The following USP49 variants were observed in gnomAD, a reference collection of about 807,000 sequenced individuals.
USP49 encodes the protein ubiquitin carboxyl-terminal hydrolase 49.
USP49 carries 24 observed loss-of-function variants against 58.6 expected under a neutral mutation model. The observed-to-expected ratio is 0.41, with a 90% CI of 0.30 to 0.58. The LOEUF is 0.58. USP49 is among the 20% of genes least tolerant of loss of function. The pLI is 0.30. For synonymous variants in USP49, 408 were observed against 365.1 expected, an observed-to-expected ratio of 1.12 and a Z score of -1.34; for missense variants, 703 against 866.1, an observed-to-expected ratio of 0.81 and a Z score of 2.36.
intron 2 of USP49, among the ~76,000 whole-genome samples, chr6:41,878,628 T>A (rs1013979757): frequency 3.9e-5 from 6 of 152,218 alleles, no homozygotes; most frequent in African/African-American, 1.4e-4. Context: ...TTGGTAAAGT[T>A]CAGTCTGCCA....
chr6:41,885,394 T>C (rs1228883285), intron 2 of USP49, among the ~76,000 whole-genome samples: 2 of 152,174 alleles, frequency 1.3e-5, no homozygotes, highest in African/African-American at 2.4e-5. Context: ...TGTTAACTAG[T>C]ATACATGATA....
intron 3 of USP49, among the ~76,000 whole-genome samples, chr6:41,864,865 T>A (rs1774282892): frequency 6.6e-6 from 1 of 152,086 alleles, no homozygotes; most frequent in Non-Finnish European, 1.5e-5. Flanking sequence ...AGTGACTCAA[T>A]CTAATGAGCC....
At chr6:41,818,051 T>C (rs150987457) in intron 3 of USP49, among the ~76,000 whole-genome samples, 1,987 of 152,304 alleles carry the variant, frequency 0.013, 27 homozygotes, top group South Asian at 0.062. Flanking sequence ...GTAGCAGTGA[T>C]AATCCTATAC....
chr6:41,830,218 C>T (rs1773610782), intron 3 of USP49, among the ~76,000 whole-genome samples: 1 of 152,158 alleles, frequency 6.6e-6, no homozygotes, highest in Admixed American at 6.6e-5. Context: ...TTTATCTCTT[C>T]TCTAAAACAG....
Position 41,791,625 on chromosome 6 carries a change from A to G in USP49, c.*4908T>C, listed in dbSNP as rs1162365370. On this transcript the variant is annotated 3_prime_UTR_variant, in exon 8 of 8. Coordinates refer to ENST00000682992, the MANE Select transcript of USP49 (RefSeq NM_001286554.2). ...AGCCCTGGCTAGTTAACACAGTACT[A>G]TGAAAATCTTTAGCTAGATTTTAAA... The G allele has an allele frequency of 6.6e-6, 1 of 152,256 alleles. No individual in the cohort carries two copies. Among genetic ancestry groups the G allele is most frequent in the African/African-American group, 2.4e-5 (1 of 41,476 alleles). 9.4% of individuals were successfully genotyped at this position (152,256 alleles called of 1,614,324 possible).
intron 3 of USP49, among the ~76,000 whole-genome samples, chr6:41,843,926 C>A (rs1027094407): frequency 1.3e-5 from 2 of 152,144 alleles, no homozygotes; most frequent in Admixed American, 1.3e-4. Flanking sequence ...TGCGTGTAAT[C>A]CCAGTTACTC....
At position 41,871,624 on chromosome 6, in the gene USP49, C is replaced by A. The variant is rs1774413705; in HGVS notation, c.-89G>T. Reference sequence around the variant, plus strand: ...ATTCCACAGTCATTGGTTAGGTTTCCTCTTCTCTATTACCTACAAGTGGGA... The same window carrying A: ...ATTCCACAGTCATTGGTTAGGTTTCATCTTCTCTATTACCTACAAGTGGGA... On this transcript the variant is annotated 5_prime_UTR_variant, in exon 3 of 8. It adds an upstream start codon to the 5' untranslated region. Transcript: ENST00000682992. 6.6e-6 allele frequency: 1 copy of A among 152,010 alleles called. No individual in the cohort carries two copies. Among genetic ancestry groups the A allele is most frequent in the African/African-American group, 2.4e-5 (1 of 41,394 alleles). 9.4% of individuals were successfully genotyped at this position (152,010 alleles called of 1,614,324 possible).
chr6:41,864,913 T>C (rs1287143112), intron 3 of USP49, among the ~76,000 whole-genome samples: 2 of 152,084 alleles, frequency 1.3e-5, no homozygotes, highest in Admixed American at 6.5e-5. Context: ...ATTAAATAAA[T>C]TACAGGGTTT....
At chr6:41,870,836 G>C (rs1441684324) in intron 3 of USP49, among the ~76,000 whole-genome samples, 6 of 152,000 alleles carry the variant, frequency 3.9e-5, no homozygotes, top group African/African-American at 1.5e-4. Flanking sequence ...CAGATCACTT[G>C]AGGTCAGGAG....
intron 2 of USP49, among the ~76,000 whole-genome samples, chr6:41,890,311 G>A (rs925134951): frequency 4.0e-5 from 6 of 151,642 alleles, no homozygotes; most frequent in Admixed American, 2.6e-4. Flanking sequence ...CCTGGGAGGC[G>A]GAGGTTGTAG....
intron 3 of USP49, among the ~76,000 whole-genome samples, chr6:41,822,746 G>T (rs1773473511): frequency 1.3e-5 from 2 of 150,890 alleles, no homozygotes. Flanking sequence ...TCAGGAGGCT[G>T]AGGCAGAAGA....
At chr6:41,846,711 G>A (rs1487576594) in intron 3 of USP49, among the ~76,000 whole-genome samples, 1 of 152,214 alleles carries the variant, frequency 6.6e-6, no homozygotes, top group Non-Finnish European at 1.5e-5. Context: ...TTCAGTGTTT[G>A]GCATGTCCTT....
chr6:41,851,346 A>G (rs1435627746), intron 3 of USP49, among the ~76,000 whole-genome samples: 1 of 152,204 alleles, frequency 6.6e-6, no homozygotes, highest in Non-Finnish European at 1.5e-5. Flanking sequence ...ATATCAATCA[A>G]TGTAACACAT....
At chr6:41,831,234 A>G (rs6932075) in intron 3 of USP49, among the ~76,000 whole-genome samples, 58,268 of 151,822 alleles carry the variant, frequency 0.38, 12,112 homozygotes, top group South Asian at 0.48. Flanking sequence ...TACTAAAAAT[A>G]CAAAAATTAG....
Position 41,816,428 on chromosome 6 carries a change from C to G in USP49, c.-28-9417G>C, listed in dbSNP as rs555220777. ...AAACATTCTCTTGAATTTTAGACAA[C>G]TGTTCTTGTCTGGTTTGCTTCCTGT... On this transcript the variant is annotated intron_variant, in intron 3 of 7. Coordinates refer to ENST00000682992, the MANE Select transcript of USP49 (RefSeq NM_001286554.2). Among the ~76,000 whole-genome samples the G allele has an allele frequency of 2.6e-5, 4 of 152,252 alleles. No homozygotes were observed. The South Asian group carries it at 8.3e-4, about 32-fold the overall frequency.
intron 3 of USP49, among the ~76,000 whole-genome samples, chr6:41,848,837 A>G (rs1406095029): frequency 6.6e-6 from 1 of 150,800 alleles, no homozygotes; most frequent in African/African-American, 2.4e-5. Flanking sequence ...CCTGGACAAC[A>G]CCAGTGAGAC....
intron 2 of USP49, among the ~76,000 whole-genome samples, chr6:41,885,823 C>T (rs1774700986): frequency 6.6e-6 from 1 of 152,082 alleles, no homozygotes. Flanking sequence ...AGTCTCCCAC[C>T]TTGGCCTCCC....
chr6:41,827,890 A>G (rs1773569094), intron 3 of USP49, among the ~76,000 whole-genome samples: 1 of 152,296 alleles, frequency 6.6e-6, no homozygotes, highest in African/African-American at 2.4e-5. Context: ...AAACAGGCTC[A>G]GAGAAGTAAA....
At chr6:41,871,003 A>G (rs1010599122) in intron 3 of USP49, among the ~76,000 whole-genome samples, 4 of 152,080 alleles carry the variant, frequency 2.6e-5, no homozygotes, top group Admixed American at 6.6e-5. Flanking sequence ...GTGAGCCACG[A>G]TCACACCACT....
Sources: gnomAD v4.1 joint callset for allele counts (sites outside exome capture counted in the v4.1 genomes callset) on GRCh38, gnomAD v4.1.1 for gene constraint, MANE v1.5 for transcripts, NCBI Gene and HGNC (gene_info 2026-07-23, HGNC 2026-07-21) for gene names.